Variants in CAMSAP3 observed in about 807,000 individuals in gnomAD.
CAMSAP3 encodes the protein calmodulin-regulated spectrin-associated protein 3.
A neutral mutation model predicts 112.5 loss-of-function variants in CAMSAP3; 34 were observed. The observed-to-expected ratio is 0.30, with a 90% CI of 0.23 to 0.40. The LOEUF is 0.40. Among genes scored for constraint, CAMSAP3 ranks in the 10% least tolerant of loss-of-function variants. The pLI is 1.00. For missense variants in CAMSAP3, 1,602 were observed against 1,770.3 expected (o/e 0.90, Z 1.71); for synonymous variants, 868 against 799.8 (o/e 1.09, Z -1.44).
chr19:7,605,569 T>G, intron 2 of CAMSAP3, 90 bp downstream of exon 2: 1 of 1,334,874 alleles, frequency 7.5e-7, no homozygotes. Context: ...CCTCCCAAGT[T>G]CCCTCTATCA....
rs760512257 is a variant in CAMSAP3, at chr19:7,612,422, G to A, written c.1929G>A (p.Arg643=). 5.7e-6 allele frequency: 9 copies of A among 1,591,966 alleles called. No homozygotes were observed. The African/African-American group carries it at 6.7e-5, about 12-fold the overall frequency. Residue 643 remains arginine, a synonymous_variant, in exon 11 of 17, where the codon CGG becomes CGA. Transcript: ENST00000160298. Reference sequence around the variant, plus strand: ...GCGCCTTCCTGCAGGTGCAGCCGCGGGAAGCCTCTGGGGAGGCGGAAGCAG... The same window carrying A: ...GCGCCTTCCTGCAGGTGCAGCCGCGAGAAGCCTCTGGGGAGGCGGAAGCAG... ...GKSAFLQVQP[R]EASGEAEAEA...
rs2030234472 is a variant in CAMSAP3 at position 7,606,537 on chromosome 19, C to T, written c.587C>T (p.Ala196Val). 6.4e-7 allele frequency: 1 copy of T among 1,553,548 alleles called. No individual in the cohort carries two copies. Among genetic ancestry groups the T allele is most frequent in the Non-Finnish European group, 8.6e-7 (1 of 1,156,650 alleles). Residue 196 changes from alanine to valine, a missense_variant, in exon 4 of 17, where the codon GCC becomes GTC. Physicochemically the swap from Ala to Val is moderately conservative, Grantham distance 64. Coordinates refer to ENST00000160298, the MANE Select transcript of CAMSAP3 (RefSeq NM_020902.2). ...GCGGCCCAGCGAGCCTCTCCAGCAG[C>T]CCCTGCAGACGGGGCGGCCCCGGCG... ...QEAAQRASPA[A>V]PADGAAPAQP...
At position 7,617,170 on chromosome 19, in the gene CAMSAP3, G is replaced by T. The variant is rs149499150; in HGVS notation, c.3213-156G>T. On this transcript the variant is annotated intron_variant, in intron 14 of 16. Coordinates refer to ENST00000160298, the MANE Select transcript of CAMSAP3 (RefSeq NM_020902.2). The surrounding 1 kb of genome is among the most constrained non-coding windows in gnomAD (Gnocchi z 7.5). ...GACCTCAAGTGATCTGCCCGCTTTG[G>T]CCTCCCGAAGTGCTGGGATTACAGG... Among the ~76,000 whole-genome samples, 1,834 of 152,066 alleles carry T rather than the reference G, an allele frequency of 0.012. 32 individuals carry two copies. Among genetic ancestry groups the T allele is most frequent in the African/African-American group, 0.042 (1,746 of 41,450 alleles).
Position 7,607,788 on chromosome 19 carries a change from C to T in CAMSAP3, c.622-338C>T. 1 of 917,330 alleles carries T rather than the reference C, an allele frequency of 1.1e-6. No individual in the cohort carries two copies. Among genetic ancestry groups the T allele is most frequent in the Non-Finnish European group, 1.6e-6 (1 of 608,808 alleles). 56.8% of individuals were successfully genotyped at this position (917,330 alleles called of 1,614,324 possible). On this transcript the variant is annotated intron_variant, in intron 4 of 16. Transcript: ENST00000160298. The surrounding 1 kb of genome is among the most constrained non-coding windows in gnomAD (Gnocchi z 4.9). ...GGGGGCCCAGCAGGTCAGCACCCCT[C>T]CCCCTTGCTGATGGCTGCTCCTCTC... is the stretch of plus-strand genomic sequence containing the variant.
rs1356917044 is a variant in CAMSAP3 at position 7,612,113 on chromosome 19, G to T, written c.1620G>T (p.Pro540=). Residue 540 remains proline, a synonymous_variant, in exon 11 of 17, where the codon CCG becomes CCT. Coordinates refer to ENST00000160298, the MANE Select transcript of CAMSAP3 (RefSeq NM_020902.2). ...GTCTGGTGGGGGAGGCATCGAAACC[G>T]CCAGCCCCATCCGAGGGGTCCCCGA... is the stretch of plus-strand genomic sequence containing the variant. ...SPCLVGEASK[P]PAPSEGSPKA... 6.2e-7 allele frequency: 1 copy of T among 1,612,128 alleles called. No homozygotes were observed. The highest frequency in any genetic ancestry group is 1.1e-5 in the South Asian group (1 of 91,056).
At chr19:7,608,372 G>C in intron 5 of CAMSAP3, 108 bp downstream of exon 5, 13 of 1,355,994 alleles carry the variant, frequency 9.6e-6, no homozygotes, top group Non-Finnish European at 1.3e-5. Flanking sequence ...ACGATGCAGT[G>C]GTCATGAGGG....
intron 2 of CAMSAP3, 57 bp downstream of exon 2, chr19:7,605,536 A>AGCTCCTCCCGCCAGTCCTG: frequency 1.4e-6 from 2 of 1,391,282 alleles, no homozygotes; most frequent in East Asian, 2.9e-5. Flanking sequence ...CCTCCCCTCA[A>AGCTCCTCCCGCCAGTCCTG]GCTCCTCCCG....
At chr19:7,614,894 G>A in intron 11 of CAMSAP3, 1 of 545,242 alleles carries the variant, frequency 1.8e-6, no homozygotes, top group Non-Finnish European at 3.3e-6. Flanking sequence ...AGTGTAGAGT[G>A]TCTGTGCCCA....
chr19:7,604,671 G>A (rs772408908), intron 1 of CAMSAP3, among the ~76,000 whole-genome samples: 2 of 151,560 alleles, frequency 1.3e-5, no homozygotes, highest in Non-Finnish European at 2.9e-5. Context: ...AAGAGAGGGC[G>A]TCCAGTTTGC....
intron 2 of CAMSAP3, 135 bp downstream of exon 2, chr19:7,605,614 T>C (rs926533088): frequency 4.8e-6 from 5 of 1,049,008 alleles, no homozygotes; most frequent in Non-Finnish European, 6.4e-6. Flanking sequence ...CGATTAAGCC[T>C]AGCTCCTCCC....
In CAMSAP3 at chr19:7,611,601, C is replaced by T. The variant is rs1159687424; in HGVS notation, c.1193+15C>T. 6.2e-7 allele frequency: 1 copy of T among 1,610,658 alleles called. No homozygotes were observed. The highest frequency in any genetic ancestry group is 8.5e-7 in the Non-Finnish European group (1 of 1,178,850). On this transcript the variant is annotated intron_variant, in intron 10 of 16. Coordinates refer to ENST00000160298, the MANE Select transcript of CAMSAP3 (RefSeq NM_020902.2). This position sits in a 1 kb window ranked among gnomAD's most constrained non-coding sequence, Gnocchi z 6.9. ...CGGCAGCTCAGGTGAGTAGACCTCA[C>T]AGGCCAGGGTAGGGGGTGGAGCAGG...
chr19:7,617,522 T>G lies in CAMSAP3; in HGVS notation c.3326-21T>G. ...CTCATTCCTGCTGCCCCCCACCCCC[T>G]CCCACTGCCTCACCCTCTAGGTCCA... On this transcript the variant is annotated intron_variant, in intron 15 of 16. Transcript: ENST00000160298. The surrounding 1 kb of genome is among the most constrained non-coding windows in gnomAD (Gnocchi z 7.5). 13 of 1,277,088 alleles carry G rather than the reference T, an allele frequency of 1.0e-5. No individual in the cohort carries two copies. Among genetic ancestry groups the G allele is most frequent in the African/African-American group, 1.5e-5 (1 of 67,298 alleles). The allele number at this position is 1,277,088 out of a possible 1,614,324, so 79.1% of individuals were successfully genotyped here.
rs773863987 is a variant in CAMSAP3, at chr19:7,607,817, C to T, written c.622-309C>T. On this transcript the variant is annotated intron_variant, in intron 4 of 16. Transcript: ENST00000160298. The surrounding 1 kb of genome is among the most constrained non-coding windows in gnomAD (Gnocchi z 4.9). ...CTTGCTGATGGCTGCTCCTCTCCCC[C>T]CAGCACGCAATTGCCTTCTGTTTGA... The T allele has an allele frequency of 1.0e-5, 14 of 1,340,972 alleles. No homozygotes were observed. Among genetic ancestry groups the T allele is most frequent in the East Asian group, 2.5e-5 (1 of 40,298 alleles). The allele number at this position is 1,340,972 out of a possible 1,614,324, so 83.1% of individuals were successfully genotyped here. A position where few individuals can be genotyped will look rare whatever the true frequency, so the allele number is the denominator to read the frequency against.
rs750063330 is a variant in CAMSAP3 at position 7,612,236 on chromosome 19, C to A, written c.1743C>A (p.Ala581=). 8 of 1,590,298 alleles carry A rather than the reference C, an allele frequency of 5.0e-6. No homozygotes were observed. Among genetic ancestry groups the A allele is most frequent in the Non-Finnish European group, 6.8e-6 (8 of 1,169,390 alleles). The stretch of plus-strand genomic sequence containing the variant: ...AGCTGGTGAAGGCAGAGGCTGAGGC[C>A]GGAGCGGGGTCCCCCACGTCCACTC... ...KKQLVKAEAE[A]GAGSPTSTPA... is the part of the protein sequence containing the mutation. Residue 581 remains alanine, a synonymous_variant, in exon 11 of 17, where the codon GCC becomes GCA. Coordinates refer to ENST00000160298, the MANE Select transcript of CAMSAP3 (RefSeq NM_020902.2).
At position 7,606,498 on chromosome 19, in the gene CAMSAP3, A is replaced by C; in HGVS notation, c.548A>C (p.Lys183Thr). The change falls in exon 4 of 17, where the codon AAG becomes ACG. Residue 183 changes from lysine (K) to threonine (T), a missense_variant. By Grantham distance (78) the Lys-to-Thr change is moderately conservative. Coordinates refer to ENST00000160298, the MANE Select transcript of CAMSAP3 (RefSeq NM_020902.2). ...CAGACCGTCCGGCGGCTGCAGGAGA[A>C]GACCGAGCAGGAAGCGGCCCAGCGA... The part of the protein sequence containing the change: ...VDTTVRRLQE[K>T]TEQEAAQRAS... The C allele has an allele frequency of 6.4e-7, 1 of 1,574,544 alleles. No homozygotes were observed. The highest frequency in any genetic ancestry group is 8.6e-7 in the Non-Finnish European group (1 of 1,167,936).
chr19:7,606,242 G>A (rs369981897), intron 2 of CAMSAP3, 29 bp from the exon 3 acceptor site: 1 of 1,582,458 alleles, frequency 6.3e-7, no homozygotes, highest in African/African-American at 1.4e-5. Flanking sequence ...CAGCTCTCAG[G>A]TCTCACCCTC....
rs2030882466 is a variant in CAMSAP3, at chr19:7,617,685, T to C, written c.3444+24T>C. Reference sequence around the variant, plus strand: ...AGGTGAGCCCGCCCACACGTGGGAGTTGGGGGCTGGTGGGTGGGTGGGTGG... The same window carrying C: ...AGGTGAGCCCGCCCACACGTGGGAGCTGGGGGCTGGTGGGTGGGTGGGTGG... On this transcript the variant is annotated intron_variant, in intron 16 of 16. Coordinates refer to ENST00000160298, the MANE Select transcript of CAMSAP3 (RefSeq NM_020902.2). The surrounding 1 kb of genome is among the most constrained non-coding windows in gnomAD (Gnocchi z 7.5). 3.1e-6 allele frequency: 5 copies of C among 1,613,210 alleles called. No homozygotes were observed. Among genetic ancestry groups the C allele is most frequent in the Middle Eastern group, 1.6e-4 (1 of 6,062 alleles).
At chr19:7,597,678 C>T (rs951752918) in intron 1 of CAMSAP3, among the ~76,000 whole-genome samples, 14 of 152,176 alleles carry the variant, frequency 9.2e-5, no homozygotes, top group East Asian at 3.8e-4. Flanking sequence ...TGGCACGGGG[C>T]GCGTGATACA....
rs377570686 is a variant in CAMSAP3 at position 7,611,036 on chromosome 19, C to T, written c.1050-59C>T. On this transcript the variant is annotated intron_variant, in intron 8 of 16. Coordinates refer to ENST00000160298, the MANE Select transcript of CAMSAP3 (RefSeq NM_020902.2). This position sits in a 1 kb window ranked among gnomAD's most constrained non-coding sequence, Gnocchi z 6.9. ...GCTGGGTGATGCTGTTGTCTCCCCC[C>T]GGGGAGAGGCGGAGGAGGAGGTGGG... 1.2e-4 allele frequency: 189 copies of T among 1,595,146 alleles called. No individual in the cohort carries two copies. Among genetic ancestry groups the T allele is most frequent in the Non-Finnish European group, 1.5e-4 (180 of 1,164,322 alleles).
Sources: gnomAD v4.1 joint callset for allele counts (sites outside exome capture counted in the v4.1 genomes callset) on GRCh38, gnomAD v4.1.1 for gene constraint, Gnocchi (gnomAD v3.1) non-coding constraint, MANE v1.5 for transcripts, NCBI Gene and HGNC (gene_info 2026-07-23, HGNC 2026-07-21) for gene names.